The following ZBTB20 variants were observed in gnomAD, a reference collection of about 807,000 sequenced individuals.
ZBTB20 encodes zinc finger and BTB domain-containing protein 20.
A neutral mutation model predicts 56.9 loss-of-function variants in ZBTB20; 9 were observed. The ratio of observed to expected loss-of-function variants is 0.16; its 90% CI spans 0.10 to 0.28. The LOEUF (loss-of-function observed/expected upper bound fraction) is 0.28, where lower values mean the gene tolerates loss of function less well. Among genes scored for constraint, ZBTB20 ranks in the 10% least tolerant of loss-of-function variants. The pLI, the probability that ZBTB20 is intolerant of heterozygous loss-of-function variation, is 1.00. For synonymous variants in ZBTB20, 417 were observed against 420.7 expected (o/e 0.99, Z 0.11); for missense variants, 655 against 1,003.0 (o/e 0.65, Z 4.69).
chr3:114,947,975 T>C (rs2076939994), intron 3 of ZBTB20, among the ~76,000 whole-genome samples: 1 of 145,348 alleles, frequency 6.9e-6, no homozygotes, highest in South Asian at 2.1e-4. Context: ...ATAATATAAC[T>C]ATGCAAAGAA....
intron 4 of ZBTB20, among the ~76,000 whole-genome samples, chr3:114,890,808 G>A (rs602866): frequency 0.059 from 9,014 of 152,094 alleles, 922 homozygotes; most frequent in African/African-American, 0.21. Context: ...ACAGTCTGGC[G>A]GAGGAGAAAA....
chr3:114,417,280 T>G (rs1443562121), intron 7 of ZBTB20, among the ~76,000 whole-genome samples: 4 of 152,112 alleles, frequency 2.6e-5, no homozygotes, highest in Non-Finnish European at 5.9e-5. Context: ...AAAATGGCTG[T>G]TGCACATTTG....
At chr3:114,968,801 G>C (rs2077754300) in intron 3 of ZBTB20, among the ~76,000 whole-genome samples, 1 of 152,080 alleles carries the variant, frequency 6.6e-6, no homozygotes, top group African/African-American at 2.4e-5. Context: ...TGTCTATGGA[G>C]ATCTTCTATA....
chr3:114,399,800 G>A lies in ZBTB20; in HGVS notation c.-254-10695C>T, dbSNP rs190019946. Among the ~76,000 whole-genome samples, 465 of 152,212 alleles carry A rather than the reference G, an allele frequency of 3.1e-3. 4 individuals carry two copies. The highest frequency in any genetic ancestry group is 0.011 in the African/African-American group (453 of 41,540). The stretch of plus-strand genomic sequence containing the variant: ...TACTTTTATGTTCTGGGTGAAGCCT[G>A]AGATCTCTGGATCTCTTTGCTGGAT... On this transcript the variant is annotated intron_variant, in intron 7 of 11. Coordinates refer to ENST00000675478, the MANE Select transcript of ZBTB20 (RefSeq NM_001348800.3).
intron 4 of ZBTB20, among the ~76,000 whole-genome samples, chr3:114,886,152 A>G (rs1373116521): frequency 6.6e-6 from 1 of 152,216 alleles, no homozygotes; most frequent in Non-Finnish European, 1.5e-5. Flanking sequence ...GCAGTTTGAG[A>G]ATCAACTTGG....
intron 7 of ZBTB20, among the ~76,000 whole-genome samples, chr3:114,467,830 A>G (rs1268224919): frequency 6.6e-6 from 1 of 152,148 alleles, no homozygotes; most frequent in Non-Finnish European, 1.5e-5. Flanking sequence ...ATTTATTTGT[A>G]TTTTATTCAG....
intron 5 of ZBTB20, among the ~76,000 whole-genome samples, chr3:114,752,917 C>T (rs2067677580): frequency 6.6e-6 from 1 of 152,050 alleles, no homozygotes; most frequent in South Asian, 2.1e-4. Flanking sequence ...TGAAAAAACC[C>T]AGAACACACA....
At chr3:114,682,341 C>T (rs973556008) in intron 6 of ZBTB20, among the ~76,000 whole-genome samples, 14 of 152,184 alleles carry the variant, frequency 9.2e-5, no homozygotes, top group Admixed American at 3.3e-4. Context: ...ATTTATGCTA[C>T]GCACAGAATT....
chr3:114,585,058 G>A (rs2055039204), intron 6 of ZBTB20, among the ~76,000 whole-genome samples: 1 of 152,058 alleles, frequency 6.6e-6, no homozygotes, highest in South Asian at 2.1e-4. Context: ...TTACAGGCAA[G>A]GCTCCTGTTA....
At chr3:114,972,573 C>CA (rs2077930393) in intron 3 of ZBTB20, among the ~76,000 whole-genome samples, 1 of 151,620 alleles carries the variant, frequency 6.6e-6, no homozygotes, top group South Asian at 2.1e-4. Flanking sequence ...TTGAGCTAGC[C>CA]AAAAAATTAT....
intron 2 of ZBTB20, among the ~76,000 whole-genome samples, chr3:114,998,704 G>A (rs2108200348): frequency 6.6e-6 from 1 of 151,742 alleles, no homozygotes; most frequent in African/African-American, 2.4e-5. Flanking sequence ...TACCTGACTT[G>A]GATATCTGGG....
intron 3 of ZBTB20, among the ~76,000 whole-genome samples, chr3:114,946,693 G>A (rs1330365570): frequency 2.8e-5 from 4 of 145,342 alleles, no homozygotes; most frequent in Admixed American, 6.6e-5. Flanking sequence ...ATAGTACTAC[G>A]TCTTTTAAAA....
chr3:114,723,348 T>C (rs2065045020), intron 5 of ZBTB20, among the ~76,000 whole-genome samples: 1 of 152,220 alleles, frequency 6.6e-6, no homozygotes, highest in African/African-American at 2.4e-5. Context: ...CTTTTCATTA[T>C]CTGAGACTCA....
intron 6 of ZBTB20, among the ~76,000 whole-genome samples, chr3:114,683,445 A>C (rs555149409): frequency 6.6e-6 from 1 of 152,190 alleles, no homozygotes; most frequent in East Asian, 1.9e-4. Context: ...TAATACAAAC[A>C]AACCAACCTG....
chr3:114,362,198 C>G (rs192502949), intron 10 of ZBTB20, among the ~76,000 whole-genome samples: 6 of 152,282 alleles, frequency 3.9e-5, no homozygotes, highest in Admixed American at 3.9e-4. Flanking sequence ...ACTTCCTATA[C>G]ATGTAGCACC....
At chr3:114,480,303 C>T (rs1377106920) in intron 7 of ZBTB20, among the ~76,000 whole-genome samples, 2 of 151,892 alleles carry the variant, frequency 1.3e-5, no homozygotes, top group Non-Finnish European at 2.9e-5. Flanking sequence ...TTTTCAGATG[C>T]TTTTTTTGAA....
In ZBTB20 at chr3:114,882,283, G is replaced by A. The variant is rs536605898; in HGVS notation, c.-417+18021C>T. Among the ~76,000 whole-genome samples, 6 of 152,034 alleles carry A rather than the reference G, an allele frequency of 3.9e-5. No individual in the cohort carries two copies. In the South Asian group the frequency reaches 1.2e-3, roughly 32 times the overall value. On this transcript the variant is annotated intron_variant, in intron 4 of 11. Transcript: ENST00000675478. ...ATATCATTTTCACTTTTCTGATTAG[G>A]AAAAATTTGCTAAAGCCCAGTACTG...
Position 114,580,407 on chromosome 3 carries a change from T to C in ZBTB20, c.-294-80016A>G, listed in dbSNP as rs767600566. Among the ~76,000 whole-genome samples, 28 of 151,948 alleles carry C rather than the reference T, an allele frequency of 1.8e-4. 1 individual carries two copies. The highest frequency in any genetic ancestry group is 1.0e-3 in the South Asian group (5 of 4,826). On this transcript the variant is annotated intron_variant, in intron 6 of 11. Transcript: ENST00000675478. The stretch of plus-strand genomic sequence containing the variant: ...TTCTCAAAATCCCAAGCAAATGTTA[T>C]GTTTCTAAAACATTTCCATTAAAAT...
intron 3 of ZBTB20, among the ~76,000 whole-genome samples, chr3:114,945,553 G>A (rs1474725757): frequency 6.9e-6 from 1 of 144,706 alleles, no homozygotes; most frequent in African/African-American, 2.8e-5. Context: ...TTAAAAATAC[G>A]TAATTAGCAA....
Sources: gnomAD v4.1 joint callset for allele counts (sites outside exome capture counted in the v4.1 genomes callset) on GRCh38, gnomAD v4.1.1 for gene constraint, MANE v1.5 for transcripts, NCBI Gene and HGNC (gene_info 2026-07-23, HGNC 2026-07-21) for gene names.